NRSN1: variants seen among roughly 807,000 people sequenced by gnomAD.
NRSN1 encodes neurensin 1, also known as neurensin-1.
NRSN1 carries 14 observed loss-of-function variants against 17.3 expected under a neutral mutation model. That is an observed-to-expected ratio of 0.81 (90% CI 0.54 to 1.27). The LOEUF is 1.27. Among genes scored for constraint, NRSN1 ranks in the 50% most tolerant of loss-of-function variants. NRSN1 has a pLI of 0.00. For synonymous variants in NRSN1, 79 were observed against 94.2 expected, an observed-to-expected ratio of 0.84 and a Z score of 0.93; for missense variants, 209 against 235.9, an observed-to-expected ratio of 0.89 and a Z score of 0.75.
intron 3 of NRSN1, among the ~76,000 whole-genome samples, chr6:24,138,922 C>T (rs1160702641): frequency 1.3e-5 from 2 of 152,186 alleles, no homozygotes; most frequent in African/African-American, 2.4e-5. Context: ...TATTGTGGCA[C>T]GACTACCTCA....
chr6:24,136,762 C>G (rs1287559827), intron 3 of NRSN1, among the ~76,000 whole-genome samples: 1 of 152,128 alleles, frequency 6.6e-6, no homozygotes, highest in Middle Eastern at 3.2e-3. Flanking sequence ...TATTTTCTCC[C>G]TTCTATTTTG....
At position 24,145,451 on chromosome 6, in the gene NRSN1, C is replaced by A; in HGVS notation, c.190-97C>A. On this transcript the variant is annotated intron_variant, in intron 3 of 3. Transcript: ENST00000378491. The surrounding 1 kb of genome is among the most constrained non-coding windows in gnomAD (Gnocchi z 4.4). ...TTGGGGTAACTGGGAATATTCATTT[C>A]TCTCAAGAAACAAGACAAGTGCTGC... is the stretch of plus-strand genomic sequence containing the variant. 2 of 884,390 alleles carry A rather than the reference C, an allele frequency of 2.3e-6. No individual in the cohort carries two copies. Among genetic ancestry groups the A allele is most frequent in the Non-Finnish European group, 3.3e-6 (2 of 605,450 alleles). The allele number at this position is 884,390 out of a possible 1,614,324, so 54.8% of individuals were successfully genotyped here. A position where few individuals can be genotyped will look rare whatever the true frequency, so the allele number is the denominator to read the frequency against.
At chr6:24,134,004 T>TTGTGTGTGTGTGTGTGTGTGTGTGTG (rs71002461) in intron 2 of NRSN1, among the ~76,000 whole-genome samples, 3 of 132,858 alleles carry the variant, frequency 2.3e-5, no homozygotes, top group African/African-American at 8.8e-5. Context: ...ACCCAGCTAA[T>TTGTGTGTGTGTGTGTGTGTGTGTGTG]TGTGTGTGTG....
chr6:24,146,064 G>A lies in NRSN1; in HGVS notation c.*118G>A. 1 of 1,078,638 alleles carries A rather than the reference G, an allele frequency of 9.3e-7. No homozygotes were observed. The highest frequency in any genetic ancestry group is 1.4e-6 in the Non-Finnish European group (1 of 697,594). 66.8% of individuals were successfully genotyped at this position (1,078,638 alleles called of 1,614,324 possible). On this transcript the variant is annotated 3_prime_UTR_variant, in exon 4 of 4. Transcript: ENST00000378491. ...TGCCCTAGGGCTGTGTTCAGCTGTG[G>A]GCAATATAATGGGTGGACTCACACT...
At chr6:24,133,747 T>G (rs1005110613) in intron 2 of NRSN1, among the ~76,000 whole-genome samples, 2 of 152,234 alleles carry the variant, frequency 1.3e-5, no homozygotes, top group African/African-American at 4.8e-5. Context: ...ATTTCATTTA[T>G]GGAGATGCAG....
intron 2 of NRSN1, among the ~76,000 whole-genome samples, chr6:24,132,968 T>C (rs1193757773): frequency 1.3e-5 from 2 of 152,214 alleles, no homozygotes; most frequent in Admixed American, 6.5e-5. Context: ...ATTTATTTGC[T>C]TATATGGAGA....
chr6:24,134,835 C>A (rs561118251), intron 3 of NRSN1, among the ~76,000 whole-genome samples: 1 of 152,236 alleles, frequency 6.6e-6, no homozygotes, highest in Admixed American at 6.5e-5. Context: ...ACATTATATT[C>A]TTTCAGCCTT....
chr6:24,132,481 T>C (rs1258008307), intron 2 of NRSN1, among the ~76,000 whole-genome samples: 3 of 152,220 alleles, frequency 2.0e-5, no homozygotes, highest in Non-Finnish European at 4.4e-5. Context: ...AAAAATAACC[T>C]TCTATGTTGT....
At chr6:24,133,792 A>G (rs1760072656) in intron 2 of NRSN1, among the ~76,000 whole-genome samples, 2 of 152,184 alleles carry the variant, frequency 1.3e-5, no homozygotes, top group South Asian at 4.1e-4. Context: ...ATCTTGCATT[A>G]AGCAAAAAAG....
At position 24,145,589 on chromosome 6, in the gene NRSN1, G is replaced by A; in HGVS notation, c.231G>A (p.Leu77=). The part of the protein sequence containing the change: ...ISGTVFVILG[L]TVLAVGFLVP... The stretch of plus-strand genomic sequence containing the variant: ...GTACAGTTTTTGTGATCCTCGGATT[G>A]ACTGTTCTGGCAGTGGGCTTTCTTG... Residue 77 remains leucine (L), a synonymous_variant, in exon 4 of 4, where the codon TTG becomes TTA. Coordinates refer to ENST00000378491, the MANE Select transcript of NRSN1 (RefSeq NM_080723.5). The surrounding 1 kb of genome is among the most constrained non-coding windows in gnomAD (Gnocchi z 4.4). 1 of 1,608,776 alleles carries A rather than the reference G, an allele frequency of 6.2e-7. No individual in the cohort carries two copies. The highest frequency in any genetic ancestry group is 8.5e-7 in the Non-Finnish European group (1 of 1,176,736).
Position 24,145,753 on chromosome 6 carries a change from G to T in NRSN1, c.395G>T (p.Gly132Val). The T allele has an allele frequency of 6.2e-7, 1 of 1,614,148 alleles. No homozygotes were observed. Among genetic ancestry groups the T allele is most frequent in the Non-Finnish European group, 8.5e-7 (1 of 1,179,988 alleles). The part of the protein sequence containing the change: ...LFCIGGTSMA[G>V]CLLMSVFVKS... ...TGCATTGGAGGCACGTCCATGGCAG[G>T]GTGCCTGCTGATGTCGGTGTTTGTA... The change falls in exon 4 of 4, where the codon GGG becomes GTG. Residue 132 changes from glycine (G) to valine (V), a missense_variant. Coordinates refer to ENST00000378491, the MANE Select transcript of NRSN1 (RefSeq NM_080723.5). This position sits in a 1 kb window ranked among gnomAD's most constrained non-coding sequence, Gnocchi z 4.4.
At chr6:24,138,997 G>C (rs1360606892) in intron 3 of NRSN1, among the ~76,000 whole-genome samples, 9 of 152,016 alleles carry the variant, frequency 5.9e-5, no homozygotes, top group Non-Finnish European at 1.0e-4. Context: ...TATTCTTTCA[G>C]CAATTTTCAA....
Position 24,145,139 on chromosome 6 carries a change from A to C in NRSN1, c.190-409A>C, listed in dbSNP as rs1056817549. Among the ~76,000 whole-genome samples the C allele has an allele frequency of 6.9e-6, 1 of 144,902 alleles. No homozygotes were observed. Among genetic ancestry groups the C allele is most frequent in the African/African-American group, 2.5e-5 (1 of 39,870 alleles). On this transcript the variant is annotated intron_variant, in intron 3 of 3. Coordinates refer to ENST00000378491, the MANE Select transcript of NRSN1 (RefSeq NM_080723.5). This position sits in a 1 kb window ranked among gnomAD's most constrained non-coding sequence, Gnocchi z 4.4. ...ATATAATATACATATCTTTAGACATATAATATATAATATATATATCTTTGG... is the reference window on the plus strand; with the variant it reads ...ATATAATATACATATCTTTAGACATCTAATATATAATATATATATCTTTGG...
chr6:24,144,600 A>C (rs1760270841), intron 3 of NRSN1, among the ~76,000 whole-genome samples: 1 of 152,166 alleles, frequency 6.6e-6, no homozygotes, highest in Non-Finnish European at 1.5e-5. Flanking sequence ...GAGAGGACAG[A>C]CTAGAGTGAG....
intron 3 of NRSN1, among the ~76,000 whole-genome samples, chr6:24,142,645 G>A (rs978208729): frequency 6.6e-6 from 1 of 152,042 alleles, no homozygotes; most frequent in African/African-American, 2.4e-5. Flanking sequence ...TTTTAGTAGA[G>A]ATGGGGTTTG....
At chr6:24,134,005 T>TGTGTGTGTGTGTGTGTGC (rs1491233244) in intron 2 of NRSN1, among the ~76,000 whole-genome samples, 1 of 3,116 alleles carries the variant, frequency 3.2e-4, no homozygotes, top group African/African-American at 1.4e-3. Flanking sequence ...CCCAGCTAAT[T>TGTGTGTGTGTGTGTGTGC]GTGTGTGTGT....
intron 3 of NRSN1, among the ~76,000 whole-genome samples, chr6:24,140,704 A>G (rs557062852): frequency 1.3e-5 from 2 of 152,274 alleles, no homozygotes; most frequent in South Asian, 2.1e-4. Flanking sequence ...CGCGCTTCCA[A>G]CAGTCATTCC....
chr6:24,139,182 T>C (rs557931794), intron 3 of NRSN1, among the ~76,000 whole-genome samples: 122 of 152,318 alleles, frequency 8.0e-4, no homozygotes, highest in Non-Finnish European at 1.4e-3. Flanking sequence ...ATTCCACATA[T>C]AAGGAAGATC....
At chr6:24,132,431 T>C (rs1760048841) in intron 2 of NRSN1, among the ~76,000 whole-genome samples, 1 of 152,246 alleles carries the variant, frequency 6.6e-6, no homozygotes, top group African/African-American at 2.4e-5. Flanking sequence ...TCTGTTGGCC[T>C]GGATTACAGC....
Sources: allele counts gnomAD v4.1 joint callset (sites outside exome capture counted in the v4.1 genomes callset), GRCh38; gene constraint gnomAD v4.1.1; non-coding constraint Gnocchi (gnomAD v3.1); transcripts MANE v1.5; gene names NCBI Gene and HGNC (gene_info 2026-07-23, HGNC 2026-07-21).